PCDHA1: variants seen among roughly 807,000 people sequenced by gnomAD.
PCDHA1 encodes the protein protocadherin alpha 1.
PCDHA1 carries 42 observed loss-of-function variants against 61.3 expected under a neutral mutation model. The ratio of observed to expected loss-of-function variants is 0.69; its 90% CI spans 0.54 to 0.89. The LOEUF (loss-of-function observed/expected upper bound fraction) is 0.89, where lower values mean the gene tolerates loss of function less well. Among genes scored for constraint, PCDHA1 ranks in the 40% least tolerant of loss-of-function variants. PCDHA1 has a pLI of 0.00. For synonymous variants in PCDHA1, 610 were observed against 553.8 expected (o/e 1.10, Z -1.43); for missense variants, 1,256 against 1,235.3 (o/e 1.02, Z -0.25).
intron 1 of PCDHA1, chr5:140,796,516 T>A: frequency 6.2e-7 from 1 of 1,612,400 alleles, no homozygotes; most frequent in Non-Finnish European, 8.5e-7. Flanking sequence ...CGGCAAGGTG[T>A]ACGCGCTGCA....
intron 1 of PCDHA1, chr5:140,824,865 T>C (rs1306398379): frequency 1.3e-5 from 2 of 152,140 alleles, no homozygotes; most frequent in Non-Finnish European, 1.5e-5. Flanking sequence ...TTCAATTGTA[T>C]TTTTGCAGCA....
Position 140,849,717 on chromosome 5 carries a change from G to C in PCDHA1, c.2394+61033G>C, listed in dbSNP as rs141495063. The C allele has an allele frequency of 1.2e-4, 185 of 1,598,594 alleles. 18 individuals are homozygous for C. In the Middle Eastern group the frequency reaches 1.2e-3, roughly 10 times the overall value. ...CACCTACAAGAATTACTACTCGTTG[G>C]TGCTGGACAGAGCTCTGGACCGCGA... On this transcript the variant is annotated intron_variant, in intron 1 of 3. Coordinates refer to ENST00000504120, the MANE Select transcript of PCDHA1 (RefSeq NM_018900.4).
chr5:140,916,268 T>C (rs1190209711), intron 1 of PCDHA1, among the ~76,000 whole-genome samples: 3 of 152,206 alleles, frequency 2.0e-5, no homozygotes, highest in Non-Finnish European at 4.4e-5. Flanking sequence ...AAGAGCATGC[T>C]TGTTGCTCTA....
intron 1 of PCDHA1, chr5:140,852,488 G>A (rs1554145834): frequency 4.7e-6 from 1 of 213,506 alleles, no homozygotes; most frequent in African/African-American, 2.4e-5. Context: ...ATGTTGGCCA[G>A]GTTGGTCTCG....
chr5:140,975,588 A>G (rs2096673583), intron 1 of PCDHA1, among the ~76,000 whole-genome samples: 1 of 152,210 alleles, frequency 6.6e-6, no homozygotes, highest in South Asian at 2.1e-4. Context: ...CATGTCCCAG[A>G]GGGCAATTTG....
At chr5:140,858,475 G>A in intron 1 of PCDHA1, 1 of 1,517,006 alleles carries the variant, frequency 6.6e-7, no homozygotes, top group Non-Finnish European at 9.0e-7. Flanking sequence ...TGTGCTTTAT[G>A]AATAATATTT....
intron 1 of PCDHA1, among the ~76,000 whole-genome samples, chr5:140,978,099 C>T (rs547323907): frequency 1.1e-4 from 17 of 152,292 alleles, no homozygotes; most frequent in African/African-American, 3.6e-4. Flanking sequence ...ACATAACTCC[C>T]CCAACAGTCT....
intron 1 of PCDHA1, chr5:140,856,033 A>T: frequency 1.3e-6 from 2 of 1,564,122 alleles, no homozygotes; most frequent in Non-Finnish European, 1.7e-6. Flanking sequence ...GATTTGTAAA[A>T]CAAGAGAAGG....
chr5:140,831,520 CTTT>C (rs2150195630), intron 1 of PCDHA1, among the ~76,000 whole-genome samples: 2,202 of 122,358 alleles, frequency 0.018, 60 homozygotes, highest in African/African-American at 0.054. Context: ...TGCCCCCCAC[CTTT>C]TTTTTTTTTT....
At chr5:140,842,068 A>T (rs1777688396) in intron 1 of PCDHA1, 2 of 1,613,910 alleles carry the variant, frequency 1.2e-6, no homozygotes, top group African/African-American at 2.7e-5. Context: ...AATACGAAGT[A>T]AGAATATTCG....
intron 1 of PCDHA1, among the ~76,000 whole-genome samples, chr5:140,806,667 A>G (rs371669670): frequency 1.3e-5 from 2 of 152,254 alleles, no homozygotes; most frequent in East Asian, 3.8e-4. Context: ...TAATAAAAAA[A>G]AACCCTGGAA....
chr5:140,944,909 C>A (rs1320536064), intron 1 of PCDHA1, among the ~76,000 whole-genome samples: 1 of 152,136 alleles, frequency 6.6e-6, no homozygotes, highest in African/African-American at 2.4e-5. Flanking sequence ...CCACAAACTT[C>A]TCTTTATATT....
At chr5:140,830,533 A>G in intron 1 of PCDHA1, 1 of 1,268,354 alleles carries the variant, frequency 7.9e-7, no homozygotes, top group South Asian at 2.0e-5. Flanking sequence ...TTAAATTTAT[A>G]ATTGTTTTCC....
Position 140,980,736 on chromosome 5 carries a change from A to G in PCDHA1, c.2453+1729A>G, listed in dbSNP as rs1014210313. 6.6e-5 allele frequency among the ~76,000 whole-genome samples: 10 copies of G among 152,312 alleles called. No individual in the cohort carries two copies. The East Asian group carries it at 1.9e-3, about 29-fold the overall frequency. ...TTCGGGTTTCAATTAAGATATTATG[A>G]GATTTGAGTAGGGTAAGAAATAAAA... On this transcript the variant is annotated intron_variant, in intron 2 of 3. Transcript: ENST00000504120.
chr5:140,891,970 C>G (rs1554185021), intron 1 of PCDHA1, among the ~76,000 whole-genome samples: 1 of 152,170 alleles, frequency 6.6e-6, no homozygotes, highest in East Asian at 1.9e-4. Flanking sequence ...AGTAAATTTC[C>G]GTTCTCATAA....
At chr5:140,947,957 A>G (rs2094196859) in intron 1 of PCDHA1, among the ~76,000 whole-genome samples, 1 of 151,542 alleles carries the variant, frequency 6.6e-6, no homozygotes, top group African/African-American at 2.4e-5. Flanking sequence ...ATATTTTACA[A>G]TTAAGTATGT....
chr5:140,818,630 A>G (rs980118691), intron 1 of PCDHA1, among the ~76,000 whole-genome samples: 2 of 152,196 alleles, frequency 1.3e-5, no homozygotes, highest in Non-Finnish European at 2.9e-5. Flanking sequence ...TGAGCCCAGG[A>G]GTTCAAGATG....
intron 1 of PCDHA1, among the ~76,000 whole-genome samples, chr5:140,972,662 T>A (rs1188844189): frequency 1.5e-4 from 8 of 54,766 alleles, no homozygotes; most frequent in African/African-American, 8.1e-4. Context: ...GAAACCAAAT[T>A]TTTTTTTTTT....
intron 1 of PCDHA1, chr5:140,822,280 T>G: frequency 1.9e-6 from 3 of 1,614,246 alleles, no homozygotes; most frequent in Non-Finnish European, 2.5e-6. Context: ...ACAATTGAGA[T>G]ACAGGTTAAA....
Sources: gnomAD v4.1 joint callset for allele counts (sites outside exome capture counted in the v4.1 genomes callset) on GRCh38, gnomAD v4.1.1 for gene constraint, MANE v1.5 for transcripts, NCBI Gene and HGNC (gene_info 2026-07-23, HGNC 2026-07-21) for gene names.